NR3C1: variants seen among roughly 807,000 people sequenced by gnomAD.
NR3C1 encodes the protein nuclear receptor subfamily 3 group C member 1.
In NR3C1, 14 loss-of-function variants were observed where a neutral mutation model predicts 74.0. That is an observed-to-expected ratio of 0.19 (90% CI 0.12 to 0.30). The LOEUF (loss-of-function observed/expected upper bound fraction) is 0.30, where lower values mean the gene tolerates loss of function less well. Among genes scored for constraint, NR3C1 ranks in the 10% least tolerant of loss-of-function variants. NR3C1 has a pLI of 1.00. For synonymous variants in NR3C1, 308 were observed against 332.5 expected (o/e 0.93, Z 0.80); for missense variants, 695 against 909.8 (o/e 0.76, Z 3.04).
rs144703328 is a variant in NR3C1, at chr5:143,278,172, C to T, written c.*3717G>A. The T allele has an allele frequency of 1.3e-5, 2 of 151,932 alleles. No homozygotes were observed. The highest frequency in any genetic ancestry group is 1.9e-4 in the East Asian group (1 of 5,176). The allele number at this position is 151,932 out of a possible 1,614,324, so 9.4% of individuals were successfully genotyped here. On this transcript the variant is annotated 3_prime_UTR_variant, in exon 9 of 9. Transcript: ENST00000394464. ...ATTATTATTCAGCATGAATAAAAAA[C>T]TACAACTTTTATTTTTAAACAGGAG...
Position 143,300,420 on chromosome 5 carries a change from A to T in NR3C1, c.1747+65T>A. 4.4e-6 allele frequency: 7 copies of T among 1,600,868 alleles called. No homozygotes were observed. Among genetic ancestry groups the T allele is most frequent in the Middle Eastern group, 1.7e-4 (1 of 6,050 alleles). On this transcript the variant is annotated intron_variant, in intron 5 of 8. Coordinates refer to ENST00000394464, the MANE Select transcript of NR3C1 (RefSeq NM_000176.3). This position sits in a 1 kb window ranked among gnomAD's most constrained non-coding sequence, Gnocchi z 5.2. ...ATGGGCTCACGATGATATAAAAGCC[A>T]AAGTGTTTTTGCTGAAGAAAACACA...
intron 1 of NR3C1, among the ~76,000 whole-genome samples, chr5:143,429,013 A>T (rs932130470): frequency 6.6e-6 from 1 of 152,184 alleles, no homozygotes; most frequent in African/African-American, 2.4e-5. Context: ...ATACAGGCAT[A>T]CTCTTATCAC....
chr5:143,384,734 AGACCCTGCAGCT>A (rs1561736915), intron 2 of NR3C1, among the ~76,000 whole-genome samples: 1 of 152,236 alleles, frequency 6.6e-6, no homozygotes, highest in African/African-American at 2.4e-5. Flanking sequence ...TGCTGGGTAC[AGACCCTGCAGCT>A]GCTTTCACAG....
rs181099937 is a variant in NR3C1 at position 143,435,272 on chromosome 5, G to A, written c.-754C>T. The A allele has an allele frequency of 2.3e-5, 23 of 985,252 alleles. No individual in the cohort carries two copies. In the East Asian group the frequency reaches 4.5e-4, roughly 19 times the overall value. The allele number at this position is 985,252 out of a possible 1,614,324, so 61.0% of individuals were successfully genotyped here. ...TCCGTTGGACACATGCGCATTTTAC[G>A]GTCCTGCAGGGCTTGAAAGATTTCT... On this transcript the variant is annotated 5_prime_UTR_variant, in exon 1 of 9. Transcript: ENST00000343796.
intron 2 of NR3C1, among the ~76,000 whole-genome samples, chr5:143,352,679 G>A (rs1013234015): frequency 6.6e-6 from 1 of 152,180 alleles, no homozygotes; most frequent in Non-Finnish European, 1.5e-5. Flanking sequence ...CTATACTGTA[G>A]TCTATTAAGT....
intron 1 of NR3C1, among the ~76,000 whole-genome samples, chr5:143,412,385 C>A (rs1841323373): frequency 2.0e-5 from 3 of 152,080 alleles, no homozygotes; most frequent in Admixed American, 2.0e-4. Flanking sequence ...GTTATTTGTT[C>A]ATCTCCATGC....
At chr5:143,333,053 G>A (rs1179388976) in intron 2 of NR3C1, 2 of 1,594,158 alleles carry the variant, frequency 1.3e-6, no homozygotes, top group Non-Finnish European at 1.7e-6. Flanking sequence ...TCATTTGCTT[G>A]GAAGACCTCA....
intron 2 of NR3C1, among the ~76,000 whole-genome samples, chr5:143,358,925 T>G (rs1411395905): frequency 6.6e-6 from 1 of 152,082 alleles, no homozygotes; most frequent in Admixed American, 6.6e-5. Context: ...TTAAATCTTA[T>G]GCAGAACCTC....
At chr5:143,341,525 A>G (rs1600117680) in intron 2 of NR3C1, among the ~76,000 whole-genome samples, 1 of 152,368 alleles carries the variant, frequency 6.6e-6, no homozygotes, top group East Asian at 1.9e-4. Context: ...ATCTGGATAC[A>G]TGGCTCATAA....
chr5:143,400,280 T>A lies in NR3C1; in HGVS notation c.560A>T (p.Asp187Val), dbSNP rs758769938. ...CTGCAAAATGTCAAAGGTGCTTTGG[T>A]CTGTGGTATACAATTTCACATTGCC... ...NGGNVKLYTT[D>V]QSTFDILQDL... The change falls in exon 2 of 9, where the codon GAC becomes GTC. Residue 187 changes from aspartate to valine, a missense_variant. Physicochemically the swap from Asp to Val is radical, Grantham distance 152 (BLOSUM62 -3). This residue lies in a region of NR3C1 where 497 missense variants were observed against 489.5 expected (regional missense o/e 1.02). Transcript: ENST00000394464. 2.5e-6 allele frequency: 4 copies of A among 1,604,978 alleles called. No homozygotes were observed. The South Asian group carries it at 4.5e-5, about 18-fold the overall frequency.
rs1455142377 is a variant in NR3C1, at chr5:143,279,386, C to G, written c.*2503G>C. ...AAATCAGATTAATGTGTGAGATGTGCTTTCTGGTTTTAACCACATAACATT... is the reference window on the plus strand; with the variant it reads ...AAATCAGATTAATGTGTGAGATGTGGTTTCTGGTTTTAACCACATAACATT... On this transcript the variant is annotated 3_prime_UTR_variant, in exon 9 of 9. Transcript: ENST00000394464. 3 of 1,550,034 alleles carry G rather than the reference C, an allele frequency of 1.9e-6. No individual in the cohort carries two copies. The highest frequency in any genetic ancestry group is 2.6e-6 in the Non-Finnish European group (3 of 1,147,926).
In NR3C1 at chr5:143,314,188, G is replaced by A. The variant is rs1561543450; in HGVS notation, c.1185-20C>T. ...CTGGGGCTAAAGAAGGGGAAGAACA[G>A]TGTTATGATTTAACTGTCAAAGGAA... On this transcript the variant is annotated intron_variant, in intron 2 of 8. Coordinates refer to ENST00000394464, the MANE Select transcript of NR3C1 (RefSeq NM_000176.3). 1 of 1,612,328 alleles carries A rather than the reference G, an allele frequency of 6.2e-7. No homozygotes were observed. Among genetic ancestry groups the A allele is most frequent in the African/African-American group, 1.3e-5 (1 of 74,876 alleles).
At chr5:143,427,606 C>T (rs914276811) in intron 1 of NR3C1, among the ~76,000 whole-genome samples, 9 of 152,110 alleles carry the variant, frequency 5.9e-5, no homozygotes, top group African/African-American at 2.2e-4. Context: ...CTAGCAATAC[C>T]GTTCTTCTGC....
intron 2 of NR3C1, among the ~76,000 whole-genome samples, chr5:143,316,646 C>T (rs910321991): frequency 2.0e-5 from 3 of 152,102 alleles, no homozygotes; most frequent in Non-Finnish European, 4.4e-5. Context: ...GGGTAGGTAT[C>T]TACTACTTTG....
At chr5:143,418,045 G>A (rs71590944) in intron 1 of NR3C1, among the ~76,000 whole-genome samples, 2,733 of 152,200 alleles carry the variant, frequency 0.018, 82 homozygotes, top group African/African-American at 0.059. Flanking sequence ...AGAAACAGAA[G>A]CACAGAGAAA....
At chr5:143,342,926 G>A (rs535552037) in intron 2 of NR3C1, among the ~76,000 whole-genome samples, 1 of 152,276 alleles carries the variant, frequency 6.6e-6, no homozygotes, top group East Asian at 1.9e-4. Flanking sequence ...GAGGGAAGTC[G>A]AGGAAGAGAA....
Position 143,298,649 on chromosome 5 carries a change from T to A in NR3C1, c.1892+19A>T. 6.2e-7 allele frequency: 1 copy of A among 1,611,018 alleles called. No homozygotes were observed. ...AGATACCCTATGAATACAGGGAAAA[T>A]GACACACATACAACTTACTCATTAA... On this transcript the variant is annotated intron_variant, in intron 6 of 8. Transcript: ENST00000394464.
chr5:143,287,225 T>A (rs1814703320), intron 7 of NR3C1, among the ~76,000 whole-genome samples: 1 of 151,904 alleles, frequency 6.6e-6, no homozygotes, highest in Admixed American at 6.6e-5. Flanking sequence ...TCAATGAAAC[T>A]AAAAATTTCA....
Position 143,281,133 on chromosome 5 carries a change from T to TTC in NR3C1, c.*755_*756insGA, listed in dbSNP as rs1813018689. 1 of 151,154 alleles carries TTC rather than the reference T, an allele frequency of 6.6e-6. No individual in the cohort carries two copies. The allele number at this position is 151,154 out of a possible 1,614,324, so 9.4% of individuals were successfully genotyped here. A position where few individuals can be genotyped will look rare whatever the true frequency, so the allele number is the denominator to read the frequency against. On this transcript the variant is annotated 3_prime_UTR_variant, in exon 9 of 9. Transcript: ENST00000394464. ...CAAAATATGAGCTTTTTTTTTTTTTTTTTTGACAAGAATACTGGAGATTTG... is the reference window on the plus strand; with the variant it reads ...CAAAATATGAGCTTTTTTTTTTTTTTTCTTTTGACAAGAATACTGGAGATTTG...
Sources: gnomAD v4.1 joint callset for allele counts (sites outside exome capture counted in the v4.1 genomes callset) on GRCh38, gnomAD v4.1.1 for gene constraint, gnomAD v4.1.1 regional missense constraint, Gnocchi (gnomAD v3.1) non-coding constraint, MANE v1.5 for transcripts, NCBI Gene and HGNC (gene_info 2026-07-23, HGNC 2026-07-21) for gene names.